Variants in CATSPERB observed in about 807,000 individuals in gnomAD.
CATSPERB encodes the protein cation channel sperm-associated auxiliary subunit beta.
A neutral mutation model predicts 128.3 loss-of-function variants in CATSPERB; 93 were observed. That is an observed-to-expected ratio of 0.72 (90% CI 0.61 to 0.86). The LOEUF is 0.86. Among genes scored for constraint, CATSPERB ranks in the 40% least tolerant of loss-of-function variants. CATSPERB has a pLI of 0.00. For synonymous variants in CATSPERB, 381 were observed against 448.8 expected, an observed-to-expected ratio of 0.85 and a Z score of 1.91; for missense variants, 1,153 against 1,329.5, an observed-to-expected ratio of 0.87 and a Z score of 2.06.
intron 3 of CATSPERB, among the ~76,000 whole-genome samples, chr14:91,724,104 G>A (rs1029914214): frequency 2.0e-5 from 3 of 152,066 alleles, no homozygotes; most frequent in Non-Finnish European, 2.9e-5. Context: ...TAAAATGCCT[G>A]ATACACATAA....
At chr14:91,656,506 TAAAG>T (rs1043254887) in intron 15 of CATSPERB, among the ~76,000 whole-genome samples, 51 of 151,770 alleles carry the variant, frequency 3.4e-4, no homozygotes, top group African/African-American at 1.2e-3. Flanking sequence ...TCAAGCGGAA[TAAAG>T]AATCAGTGAG....
intron 6 of CATSPERB, among the ~76,000 whole-genome samples, chr14:91,705,942 T>G (rs1199985391): frequency 6.6e-6 from 1 of 152,154 alleles, no homozygotes; most frequent in Non-Finnish European, 1.5e-5. Context: ...GGGAGGGTTT[T>G]TTTTCTTTTA....
At chr14:91,628,212 T>C (rs2139794467) in intron 17 of CATSPERB, among the ~76,000 whole-genome samples, 1 of 152,118 alleles carries the variant, frequency 6.6e-6, no homozygotes, top group East Asian at 1.9e-4. Context: ...GAACTTGAGA[T>C]CCTCCTGCCT....
chr14:91,654,641 A>C, intron 15 of CATSPERB, among the ~76,000 whole-genome samples: 1 of 152,190 alleles, frequency 6.6e-6, no homozygotes, highest in East Asian at 1.9e-4. Context: ...TGGCTTCCAG[A>C]TGGCATCTCT....
At position 91,729,451 on chromosome 14, in the gene CATSPERB, A is replaced by T. The variant is rs1896176202; in HGVS notation, c.29T>A (p.Val10Asp). The change falls in exon 2 of 27, where the codon GTT becomes GAT. Residue 10 changes from valine (V) to aspartate (D), a missense_variant. Transcript: ENST00000256343. Reference sequence around the variant, plus strand: ...AAATTCAAATATGTTCAAAAGCAAAACTGAAACATATATAAGTGGCGATTC... The same window carrying T: ...AAATTCAAATATGTTCAAAAGCAAATCTGAAACATATATAAGTGGCGATTC... MESPLIYVSVLLLNIFEFSS... is the reference protein window; with the variant it reads MESPLIYVSDLLLNIFEFSS... The T allele has an allele frequency of 3.3e-6, 5 of 1,536,998 alleles. No individual in the cohort carries two copies. Among genetic ancestry groups the T allele is most frequent in the Non-Finnish European group, 3.6e-6 (4 of 1,118,438 alleles).
rs189856333 is a variant in CATSPERB, at chr14:91,622,116, T to C, written c.1931-179A>G. Among the ~76,000 whole-genome samples, 30 of 152,310 alleles carry C rather than the reference T, an allele frequency of 2.0e-4. No individual in the cohort carries two copies. In the East Asian group the frequency reaches 4.6e-3, roughly 23 times the overall value. ...TATTTTATAGAAAGTTTATCATAAA[T>C]AGACCATGCACCTATGCTTTAATGT... On this transcript the variant is annotated intron_variant, in intron 18 of 26. Transcript: ENST00000256343.
At chr14:91,707,078 C>T (rs1490080115) in intron 6 of CATSPERB, among the ~76,000 whole-genome samples, 1 of 152,096 alleles carries the variant, frequency 6.6e-6, no homozygotes, top group Non-Finnish European at 1.5e-5. Context: ...CTTAAAATAC[C>T]CCAATGGCTT....
At chr14:91,607,358 C>T (rs1893730366) in intron 22 of CATSPERB, among the ~76,000 whole-genome samples, 2 of 152,002 alleles carry the variant, frequency 1.3e-5, no homozygotes, top group South Asian at 4.2e-4. Context: ...ATAGAGTGGT[C>T]AGAGAAGGGC....
intron 11 of CATSPERB, among the ~76,000 whole-genome samples, chr14:91,680,527 T>C (rs12885394): frequency 0.26 from 40,211 of 152,106 alleles, 5,848 homozygotes; most frequent in East Asian, 0.44. Context: ...TTTTCAGCTC[T>C]TATGCTGTTT....
intron 9 of CATSPERB, 41 bp downstream of exon 9, chr14:91,693,085 A>C (rs1012525369): frequency 8.0e-7 from 1 of 1,244,702 alleles, no homozygotes; most frequent in Non-Finnish European, 1.2e-6. Flanking sequence ...GTCACAGAAG[A>C]TATTTAAGAT....
intron 10 of CATSPERB, among the ~76,000 whole-genome samples, chr14:91,690,904 G>A (rs11847682): frequency 0.015 from 2,221 of 152,308 alleles, 52 homozygotes; most frequent in African/African-American, 0.05. Context: ...CAAATGGCTA[G>A]GAACACTCAT....
intron 15 of CATSPERB, among the ~76,000 whole-genome samples, chr14:91,649,470 CT>C (rs963425039): frequency 6.7e-6 from 1 of 150,274 alleles, no homozygotes; most frequent in African/African-American, 2.5e-5. Flanking sequence ...ATCTAGCCTT[CT>C]TTTGCTTTTT....
chr14:91,728,405 G>T (rs1274171046), intron 2 of CATSPERB, among the ~76,000 whole-genome samples: 2 of 152,110 alleles, frequency 1.3e-5, no homozygotes, highest in African/African-American at 4.8e-5. Context: ...GTGAGCCACT[G>T]CACCTGGCCA....
intron 9 of CATSPERB, among the ~76,000 whole-genome samples, chr14:91,692,228 G>A (rs973149467): frequency 6.0e-5 from 9 of 149,314 alleles, no homozygotes; most frequent in Middle Eastern, 7.1e-3. Flanking sequence ...CAAGTCTGCC[G>A]CCCATTTGGG....
At chr14:91,640,562 A>C in intron 15 of CATSPERB, among the ~76,000 whole-genome samples, 1 of 99,548 alleles carries the variant, frequency 1.0e-5, no homozygotes, top group Non-Finnish European at 2.0e-5. Context: ...TGTCCCTACA[A>C]AGGACATGAA....
At chr14:91,662,635 C>G (rs1894905909) in intron 14 of CATSPERB, among the ~76,000 whole-genome samples, 1 of 152,188 alleles carries the variant, frequency 6.6e-6, no homozygotes, top group African/African-American at 2.4e-5. Context: ...AGATTGCTTT[C>G]CAGAATAGTT....
intron 22 of CATSPERB, chr14:91,604,859 T>A: frequency 7.0e-7 from 1 of 1,418,772 alleles, no homozygotes; most frequent in Non-Finnish European, 1.0e-6. Context: ...GTTGTTTTCC[T>A]GCCACCTCTT....
At chr14:91,682,123 C>G (rs369080234) in intron 11 of CATSPERB, among the ~76,000 whole-genome samples, 1 of 152,134 alleles carries the variant, frequency 6.6e-6, no homozygotes, top group African/African-American at 2.4e-5. Flanking sequence ...GCAGGCTTGC[C>G]GTGGTGCGTG....
chr14:91,622,206 G>A (rs2139788230), intron 18 of CATSPERB, among the ~76,000 whole-genome samples: 1 of 76,212 alleles, frequency 1.3e-5, no homozygotes, highest in East Asian at 1.1e-3. Flanking sequence ...AGTAAAGAAA[G>A]CTGATTTTTT....
Sources: gnomAD v4.1 joint callset for allele counts (sites outside exome capture counted in the v4.1 genomes callset) on GRCh38, gnomAD v4.1.1 for gene constraint, MANE v1.5 for transcripts, NCBI Gene and HGNC (gene_info 2026-07-23, HGNC 2026-07-21) for gene names.